The following SRGAP1 variants were observed in gnomAD, a reference collection of about 807,000 sequenced individuals.
SRGAP1 encodes the protein SLIT-ROBO Rho GTPase activating protein 1.
SRGAP1 carries 43 observed loss-of-function variants against 121.9 expected under a neutral mutation model. The observed-to-expected ratio is 0.35, with a 90% CI of 0.28 to 0.46. SRGAP1 has a LOEUF of 0.46. Among genes scored for constraint, SRGAP1 ranks in the 20% least tolerant of loss-of-function variants. The probability of loss-of-function intolerance (pLI) is 1.00; values close to 1 mark genes in which losing one functional copy is unlikely to be tolerated. For synonymous variants in SRGAP1, 447 were observed against 485.4 expected (o/e 0.92, Z 1.04); for missense variants, 1,102 against 1,350.9 (o/e 0.82, Z 2.89).
At chr12:64,080,261 T>G (rs768707734) in intron 9 of SRGAP1, 25 bp from the exon 10 acceptor site, 16 of 1,570,442 alleles carry the variant, frequency 1.0e-5, no homozygotes, top group Non-Finnish European at 1.3e-5. Context: ...AAAAAAGATT[T>G]AAAAATTATT....
At chr12:64,064,508 C>G (rs2035503527) in intron 7 of SRGAP1, among the ~76,000 whole-genome samples, 1 of 152,166 alleles carries the variant, frequency 6.6e-6, no homozygotes, top group South Asian at 2.1e-4. Context: ...CTAAAGTAGT[C>G]ATTCACATTT....
rs1216275017 is a variant in SRGAP1, at chr12:64,160,936, A to C, written c.*18264A>C. 1 of 152,134 alleles carries C rather than the reference A, an allele frequency of 6.6e-6. No homozygotes were observed. The highest frequency in any genetic ancestry group is 1.5e-5 in the Non-Finnish European group (1 of 68,018). 9.4% of individuals were successfully genotyped at this position (152,134 alleles called of 1,614,324 possible). ...TACCGAACATTCCAAAGCCATTCTA[A>C]TTCTGTTACTTTGTATGTTCTTTTT... On this transcript the variant is annotated 3_prime_UTR_variant, in exon 22 of 22. Transcript: ENST00000355086.
intron 11 of SRGAP1, 80 bp from the exon 12 acceptor site, chr12:64,091,196 G>T: frequency 1.0e-6 from 1 of 977,422 alleles, no homozygotes; most frequent in Non-Finnish European, 1.4e-6. Context: ...CCCGTGTTTT[G>T]TAATATTGAT....
chr12:64,080,058 T>G (rs1685816348), intron 9 of SRGAP1, among the ~76,000 whole-genome samples: 2 of 151,944 alleles, frequency 1.3e-5, no homozygotes, highest in Middle Eastern at 6.3e-3. Context: ...GCCTGGCCAA[T>G]ACGGAGAAAC....
In SRGAP1 at chr12:64,062,934, C is replaced by G; in HGVS notation, c.819C>G (p.Tyr273Ter). The G allele has an allele frequency of 6.2e-7, 1 of 1,611,156 alleles. No homozygotes were observed. Among genetic ancestry groups the G allele is most frequent in the Non-Finnish European group, 8.5e-7 (1 of 1,178,508 alleles). ...SDLIDCCDLG[Y>*]HASLNRALRT... ...TTTTTAAGTGCTGTGATCTTGGCTA[C>G]CATGCAAGTCTGAACAGAGCCCTAA... is the stretch of plus-strand genomic sequence containing the variant. The change falls in exon 7 of 22, where the codon TAC becomes TAG. Residue 273 changes from tyrosine to a stop codon, truncating the protein, a stop_gained. Transcript: ENST00000355086. LOFTEE classifies it high-confidence loss of function.
chr12:63,868,056 ATT>A (rs1219689164), intron 1 of SRGAP1, among the ~76,000 whole-genome samples: 52 of 57,856 alleles, frequency 9.0e-4, no homozygotes, highest in African/African-American at 2.3e-3. Flanking sequence ...ATATATATAT[ATT>A]TTTTTTTTTT....
chr12:64,127,205 T>G (rs956456374), intron 19 of SRGAP1, among the ~76,000 whole-genome samples: 3 of 152,156 alleles, frequency 2.0e-5, no homozygotes, highest in Non-Finnish European at 4.4e-5. Context: ...TCAGAACGTA[T>G]CCTCGCCGTT....
chr12:63,950,793 G>T (rs2032262245), intron 1 of SRGAP1, among the ~76,000 whole-genome samples: 1 of 152,080 alleles, frequency 6.6e-6, no homozygotes, highest in African/African-American at 2.4e-5. Context: ...GCCTTGCCTG[G>T]CATTGATCAT....
At chr12:64,050,024 C>T (rs189027560) in intron 6 of SRGAP1, among the ~76,000 whole-genome samples, 1 of 152,264 alleles carries the variant, frequency 6.6e-6, no homozygotes. Context: ...AATCCATGAA[C>T]ATGGAATATC....
intron 15 of SRGAP1, among the ~76,000 whole-genome samples, chr12:64,102,835 T>C (rs1198870725): frequency 6.6e-6 from 1 of 152,208 alleles, no homozygotes; most frequent in Non-Finnish European, 1.5e-5. Flanking sequence ...AAGTGACCAC[T>C]AATGGATAAG....
chr12:63,985,816 C>A (rs1207974792), intron 2 of SRGAP1, among the ~76,000 whole-genome samples: 1 of 152,144 alleles, frequency 6.6e-6, no homozygotes, highest in Non-Finnish European at 1.5e-5. Flanking sequence ...AAAACAGAAA[C>A]CCCTCTACCC....
chr12:64,065,075 G>T (rs372050173), intron 7 of SRGAP1, 43 bp from the exon 8 acceptor site: 193 of 1,492,108 alleles, frequency 1.3e-4, no homozygotes, highest in Non-Finnish European at 1.6e-4. Flanking sequence ...CTGGAGGTGG[G>T]TTGATGGTGC....
At chr12:64,078,256 C>A (rs2035772460) in intron 8 of SRGAP1, among the ~76,000 whole-genome samples, 1 of 152,192 alleles carries the variant, frequency 6.6e-6, no homozygotes, top group East Asian at 1.9e-4. Flanking sequence ...TTCAAAATAG[C>A]CCACAACTAA....
rs1412098741 is a variant in SRGAP1, at chr12:64,147,155, C to G, written c.*4483C>G. On this transcript the variant is annotated 3_prime_UTR_variant, in exon 22 of 22. Transcript: ENST00000355086. ...GGAGAGACTGCTGTTTACCTACGTA[C>G]TGAAGGGTAACTGCTGCCCGCGTAA... is the stretch of plus-strand genomic sequence containing the variant. The G allele has an allele frequency of 9.0e-6, 2 of 221,668 alleles. No homozygotes were observed. Among genetic ancestry groups the G allele is most frequent in the Non-Finnish European group, 1.8e-5 (2 of 113,826 alleles). 13.7% of individuals were successfully genotyped at this position (221,668 alleles called of 1,614,324 possible).
chr12:63,881,547 A>G (rs1285175158), intron 1 of SRGAP1, among the ~76,000 whole-genome samples: 2 of 152,110 alleles, frequency 1.3e-5, no homozygotes, highest in African/African-American at 2.4e-5. Flanking sequence ...TTTGAGCCTC[A>G]CTTTTCTTAT....
At chr12:64,023,273 A>C (rs2034589996) in intron 4 of SRGAP1, among the ~76,000 whole-genome samples, 1 of 151,500 alleles carries the variant, frequency 6.6e-6, no homozygotes, top group Non-Finnish European at 1.5e-5. Flanking sequence ...AAATGTTAAC[A>C]GGGCTGTGAT....
chr12:63,859,126 A>G (rs1248251848), intron 1 of SRGAP1, among the ~76,000 whole-genome samples: 4 of 152,246 alleles, frequency 2.6e-5, no homozygotes, highest in Admixed American at 2.6e-4. Context: ...AATTAAAAAT[A>G]TATTATTTAA....
intron 1 of SRGAP1, among the ~76,000 whole-genome samples, chr12:63,960,325 T>G (rs2032599629): frequency 6.6e-6 from 1 of 152,072 alleles, no homozygotes; most frequent in East Asian, 1.9e-4. Context: ...TCCATAGTGC[T>G]TCCCATGTTT....
intron 10 of SRGAP1, among the ~76,000 whole-genome samples, chr12:64,083,609 A>G (rs1339788387): frequency 6.6e-6 from 1 of 152,166 alleles, no homozygotes; most frequent in Non-Finnish European, 1.5e-5. Context: ...CCTCAGCAAC[A>G]CCATTGTATC....
Sources: gnomAD v4.1 joint callset for allele counts (sites outside exome capture counted in the v4.1 genomes callset) on GRCh38, gnomAD v4.1.1 for gene constraint, MANE v1.5 for transcripts, NCBI Gene and HGNC (gene_info 2026-07-23, HGNC 2026-07-21) for gene names.